PARP11: variants seen among roughly 807,000 people sequenced by gnomAD.
The protein encoded by PARP11 is protein mono-ADP-ribosyltransferase PARP11.
PARP11 carries 31 observed loss-of-function variants against 42.9 expected under a neutral mutation model. The observed-to-expected ratio is 0.72, with a 90% CI of 0.54 to 0.98. The LOEUF is 0.98. PARP11 is among the 50% of genes least tolerant of loss of function. PARP11 has a pLI of 0.00. For missense variants in PARP11, 365 were observed against 413.1 expected (o/e 0.88, Z 1.01); for synonymous variants, 137 against 127.3 (o/e 1.08, Z -0.51).
intron 1 of PARP11, among the ~76,000 whole-genome samples, chr12:3,848,807 T>A (rs375495258): frequency 1.6e-4 from 25 of 151,762 alleles, no homozygotes; most frequent in African/African-American, 6.0e-4. Context: ...TCACTGGAAT[T>A]ACATCAAACT....
At chr12:3,832,941 ATGTTATC>A (rs960585496) in intron 1 of PARP11, among the ~76,000 whole-genome samples, 9 of 152,212 alleles carry the variant, frequency 5.9e-5, no homozygotes, top group African/African-American at 2.2e-4. Context: ...CCTGTCCGTA[ATGTTATC>A]TGTTACAAAG....
chr12:3,832,013 G>A (rs1019181412), intron 1 of PARP11: 1 of 298,582 alleles, frequency 3.3e-6, no homozygotes, highest in Non-Finnish European at 4.9e-6. Flanking sequence ...TTTGCCTTAC[G>A]AGTTCTATCT....
At chr12:3,858,462 CA>C (rs369484410) in intron 1 of PARP11, among the ~76,000 whole-genome samples, 3 of 152,096 alleles carry the variant, frequency 2.0e-5, no homozygotes, top group East Asian at 1.9e-4. Flanking sequence ...ATTTCTAAGA[CA>C]AAAACCATTG....
intron 1 of PARP11, among the ~76,000 whole-genome samples, chr12:3,842,981 G>T (rs537136504): frequency 6.6e-6 from 1 of 152,116 alleles, no homozygotes; most frequent in South Asian, 2.1e-4. Flanking sequence ...ATTATGCAAT[G>T]CCTTAGTCAT....
At chr12:3,830,347 A>T (rs1430885496) in intron 1 of PARP11, among the ~76,000 whole-genome samples, 1 of 152,196 alleles carries the variant, frequency 6.6e-6, no homozygotes, top group Non-Finnish European at 1.5e-5. Context: ...TCTTATGCTC[A>T]TGTATTTGGT....
In PARP11 at chr12:3,821,986, A is replaced by T. The variant is rs1370274803; in HGVS notation, c.435T>A (p.Asn145Lys). The T allele has an allele frequency of 1.2e-6, 2 of 1,608,910 alleles. No individual in the cohort carries two copies. Among genetic ancestry groups the T allele is most frequent in the Admixed American group, 1.7e-5 (1 of 58,296 alleles). The change falls in exon 6 of 8, where the codon AAT (asparagine) becomes AAA (lysine). Residue 145 changes from asparagine to lysine, a missense_variant. Transcript: ENST00000228820. ...QVPYQLIPLH[N>K]QTHEYNEVAN... is the part of the protein sequence containing the mutation. ...CAACTTCATTATATTCATGTGTTTGATTGTGCAGAGGAATAAGCTGGAAAA... is the reference window on the plus strand; with the variant it reads ...CAACTTCATTATATTCATGTGTTTGTTTGTGCAGAGGAATAAGCTGGAAAA...
At chr12:3,831,709 T>C (rs1017041989) in intron 1 of PARP11, among the ~76,000 whole-genome samples, 6 of 152,206 alleles carry the variant, frequency 3.9e-5, no homozygotes, top group African/African-American at 1.2e-4. Flanking sequence ...GGTTGGCTTC[T>C]AAGAAATGAA....
intron 1 of PARP11, among the ~76,000 whole-genome samples, chr12:3,862,555 G>C (rs1948313656): frequency 6.7e-6 from 1 of 149,328 alleles, no homozygotes; most frequent in African/African-American, 2.5e-5. Context: ...AAATTTTATA[G>C]TTTATAAATT....
intron 1 of PARP11, among the ~76,000 whole-genome samples, chr12:3,837,580 A>G (rs1947794043): frequency 6.6e-6 from 1 of 152,202 alleles, no homozygotes; most frequent in Non-Finnish European, 1.5e-5. Context: ...AAAATGAACT[A>G]GTAAGGACGA....
intron 6 of PARP11, among the ~76,000 whole-genome samples, chr12:3,818,679 C>A (rs1313787142): frequency 6.6e-6 from 1 of 152,206 alleles, no homozygotes; most frequent in Non-Finnish European, 1.5e-5. Flanking sequence ...TGTCTACCAA[C>A]CTTGCCTTCA....
In PARP11 at chr12:3,828,934, A is replaced by G; in HGVS notation, c.244T>C (p.Phe82Leu). ...CCTGCAAAGTCTATCTTGTAGCTGAATTTGGAAGTAGTAAAAGAAATGGAG... is the reference window on the plus strand; with the variant it reads ...CCTGCAAAGTCTATCTTGTAGCTGAGTTTGGAAGTAGTAAAAGAAATGGAG... Reference protein sequence around the residue: ...CGSISFTTSKFSYKIDFAEMK... With the variant: ...CGSISFTTSKLSYKIDFAEMK... The change falls in exon 3 of 8, where the codon TTC (phenylalanine) becomes CTC (leucine). Residue 82 changes from phenylalanine (F) to leucine (L), a missense_variant. Phe to Leu is a conservative substitution (Grantham distance 22). Transcript: ENST00000228820. 1.2e-6 allele frequency: 2 copies of G among 1,614,092 alleles called. No individual in the cohort carries two copies. The highest frequency in any genetic ancestry group is 1.7e-6 in the Non-Finnish European group (2 of 1,179,948).
At chr12:3,872,860 A>AGGTT in intron 1 of PARP11, 1 of 955,812 alleles carries the variant, frequency 1.0e-6, no homozygotes, top group Non-Finnish European at 1.2e-6. Flanking sequence ...CGGGAGACGG[A>AGGTT]GGTTGCGGTG....
intron 1 of PARP11, among the ~76,000 whole-genome samples, chr12:3,846,048 T>TA (rs1360460669): frequency 5.3e-5 from 8 of 152,154 alleles, no homozygotes; most frequent in African/African-American, 1.9e-4. Flanking sequence ...ATGTTACTTG[T>TA]AAAAAAAGTA....
At chr12:3,827,427 T>C (rs1947549717) in intron 3 of PARP11, among the ~76,000 whole-genome samples, 1 of 152,232 alleles carries the variant, frequency 6.6e-6, no homozygotes, top group Non-Finnish European at 1.5e-5. Flanking sequence ...TATCAAATGC[T>C]TTGATACAGT....
At chr12:3,848,913 G>A (rs1373052703) in intron 1 of PARP11, among the ~76,000 whole-genome samples, 2 of 150,378 alleles carry the variant, frequency 1.3e-5, no homozygotes, top group Non-Finnish European at 3.0e-5. Flanking sequence ...TGTGACAATG[G>A]ATTCATAATA....
rs559576988 is a variant in PARP11 at position 3,851,674 on chromosome 12, G to T, written c.18+21538C>A. Among the ~76,000 whole-genome samples the T allele has an allele frequency of 2.0e-5, 3 of 152,190 alleles. No homozygotes were observed. In the East Asian group the frequency reaches 5.8e-4, roughly 29 times the overall value. On this transcript the variant is annotated intron_variant, in intron 1 of 7. Coordinates refer to ENST00000228820, the MANE Select transcript of PARP11 (RefSeq NM_020367.6). ...GCCTACCTCTGTAGACTCCACCTCT[G>T]GGGGCAGGGCATAGCTGAACAAAAG...
chr12:3,826,258 A>AT (rs1947521579), intron 3 of PARP11, 25 bp from the exon 4 acceptor site: 1 of 1,519,362 alleles, frequency 6.6e-7, no homozygotes, highest in Non-Finnish European at 8.9e-7. Context: ...AAGATATTAG[A>AT]TAAGTCATAA....
In PARP11 at chr12:3,809,032, C is replaced by T. The variant is rs1382245374; in HGVS notation, c.*3091G>A. On this transcript the variant is annotated 3_prime_UTR_variant, in exon 8 of 8. Coordinates refer to ENST00000228820, the MANE Select transcript of PARP11 (RefSeq NM_020367.6). ...AAGATTTATGAAACTTTTTTTTTTACCCTGAGGCTGATATCACCAAGGTGA... is the reference window on the plus strand; with the variant it reads ...AAGATTTATGAAACTTTTTTTTTTATCCTGAGGCTGATATCACCAAGGTGA... 7.8e-6 allele frequency: 1 copy of T among 128,678 alleles called. No homozygotes were observed. Among genetic ancestry groups the T allele is most frequent in the Non-Finnish European group, 1.7e-5 (1 of 58,848 alleles). The allele number at this position is 128,678 out of a possible 1,614,324, so 8.0% of individuals were successfully genotyped here.
chr12:3,843,720 C>T (rs915024121), intron 1 of PARP11, among the ~76,000 whole-genome samples: 2 of 152,110 alleles, frequency 1.3e-5, no homozygotes, highest in Non-Finnish European at 2.9e-5. Context: ...GTACTCTGTC[C>T]TCATTTGGAG....
Sources: allele counts gnomAD v4.1 joint callset (sites outside exome capture counted in the v4.1 genomes callset), GRCh38; gene constraint gnomAD v4.1.1; transcripts MANE v1.5; gene names NCBI Gene and HGNC (gene_info 2026-07-23, HGNC 2026-07-21).